TRA2A: variants seen among roughly 807,000 people sequenced by gnomAD.
TRA2A encodes transformer-2 protein homolog alpha.
A neutral mutation model predicts 45.7 loss-of-function variants in TRA2A; 31 were observed. That is an observed-to-expected ratio of 0.68 (90% CI 0.51 to 0.92). TRA2A has a LOEUF of 0.92. Ranked by LOEUF, TRA2A falls within the 40% of genes least tolerant of loss-of-function variation. TRA2A has a pLI of 0.00. For missense variants in TRA2A, 304 were observed against 367.5 expected, an observed-to-expected ratio of 0.83 and a Z score of 1.41; for synonymous variants, 132 against 126.2, an observed-to-expected ratio of 1.05 and a Z score of -0.31.
rs1260139477 is a variant in TRA2A at position 23,524,653 on chromosome 7, TC to T, written c.37-2814del. Reference sequence around the variant, plus strand: ...GCTAAAAACAGTCCTCTTAGCTGTCTCTAACTCCTAGCTACAAAGTTGTCAC... The same window carrying T: ...GCTAAAAACAGTCCTCTTAGCTGTCTTAACTCCTAGCTACAAAGTTGTCAC... On this transcript the variant is annotated intron_variant, in intron 1 of 7. Coordinates refer to ENST00000297071, the MANE Select transcript of TRA2A (RefSeq NM_013293.5). 5.3e-5 allele frequency among the ~76,000 whole-genome samples: 8 copies of T among 151,944 alleles called. 1 individual carries two copies. The East Asian group carries it at 1.5e-3, about 29-fold the overall frequency.
At chr7:23,522,553 A>AT (rs1210905496) in intron 1 of TRA2A, 6 of 136,898 alleles carry the variant, frequency 4.4e-5, no homozygotes, top group African/African-American at 1.9e-4. Flanking sequence ...TAACTAGTTT[A>AT]TTTAAAAAAA....
At chr7:23,507,647 A>T (rs1010451179) in intron 4 of TRA2A, 112 bp from the exon 5 acceptor site, 2 of 754,286 alleles carry the variant, frequency 2.7e-6, no homozygotes, top group African/African-American at 3.4e-5. Context: ...GATTTTGAAA[A>T]TGACAGCAAT....
chr7:23,523,022 C>G (rs1790197882), intron 1 of TRA2A, among the ~76,000 whole-genome samples: 1 of 152,106 alleles, frequency 6.6e-6, no homozygotes, highest in Admixed American at 6.5e-5. Flanking sequence ...GACAAACATA[C>G]CGAAAAAACT....
Position 23,506,161 on chromosome 7 carries a change from A to C in TRA2A, c.747T>G (p.Tyr249Ter), listed in dbSNP as rs752917047. The C allele has an allele frequency of 1.9e-6, 3 of 1,612,054 alleles. No individual in the cohort carries two copies. The highest frequency in any genetic ancestry group is 1.3e-5 in the African/African-American group (1 of 75,000). ...DRGYDRGYDRYEDYDYRYRRR... is the reference protein window; with the variant it reads ...DRGYDRGYDR ...ACCTGTATCGGTAATCATAGTCTTC[A>C]TATCTGTCATACCCACGATCATATC... Residue 249 changes from tyrosine (Y) to a stop codon, truncating the protein, a stop_gained, in exon 6 of 8, where the codon TAT (tyrosine) becomes TAG (stop). Coordinates refer to ENST00000297071, the MANE Select transcript of TRA2A (RefSeq NM_013293.5). LOFTEE classifies it high-confidence loss of function.
At chr7:23,508,273 A>AT (rs1395857743) in intron 4 of TRA2A, among the ~76,000 whole-genome samples, 2 of 102,246 alleles carry the variant, frequency 2.0e-5, no homozygotes, top group African/African-American at 4.7e-5. Flanking sequence ...ACTAAAGGTC[A>AT]TTAAAAAAAA....
rs1328253207 is a variant in TRA2A, at chr7:23,516,240, A to T, written c.336+123T>A. On this transcript the variant is annotated intron_variant, in intron 3 of 7. Transcript: ENST00000297071. ...TTTACTTTGAAAGCTAAAGCAGCTT[A>T]TTAAGGATGTTTCCAGAGTATCACT... is the stretch of plus-strand genomic sequence containing the variant. 4.5e-6 allele frequency: 4 copies of T among 882,230 alleles called. No individual in the cohort carries two copies. In the Admixed American group the frequency reaches 8.1e-5, roughly 18 times the overall value. The allele number at this position is 882,230 out of a possible 1,614,324, so 54.7% of individuals were successfully genotyped here. A position where few individuals can be genotyped will look rare whatever the true frequency, so the allele number is the denominator to read the frequency against.
At chr7:23,514,199 A>G (rs1789756475) in intron 3 of TRA2A, among the ~76,000 whole-genome samples, 2 of 151,256 alleles carry the variant, frequency 1.3e-5, no homozygotes, top group South Asian at 4.2e-4. Flanking sequence ...TCCCAAGTAG[A>G]CGGGATTACA....
At chr7:23,508,336 T>C (rs938843160) in intron 4 of TRA2A, among the ~76,000 whole-genome samples, 7 of 142,048 alleles carry the variant, frequency 4.9e-5, no homozygotes, top group Admixed American at 3.6e-4. Context: ...CAGTGGATCA[T>C]AGTTCACTGT....
At chr7:23,521,641 C>T in intron 2 of TRA2A, 66 bp downstream of exon 2, 2 of 1,567,032 alleles carry the variant, frequency 1.3e-6, no homozygotes, top group East Asian at 2.3e-5. Context: ...CAAAATGCAG[C>T]CAACAACTGC....
At position 23,516,581 on chromosome 7, in the gene TRA2A, C is replaced by G. The variant is rs1055376878; in HGVS notation, c.171-53G>C. On this transcript the variant is annotated intron_variant, in intron 2 of 7. Transcript: ENST00000297071. ...ATACTGAAACAAAATGGCTAAAGTC[C>G]TTCCCTCTTCCAAGAAGGTATACAT... 1.1e-5 allele frequency: 17 copies of G among 1,536,522 alleles called. No individual in the cohort carries two copies. The African/African-American group carries it at 2.3e-4, about 21-fold the overall frequency.
intron 6 of TRA2A, 44 bp downstream of exon 6, chr7:23,506,094 A>G: frequency 6.6e-7 from 1 of 1,518,148 alleles, no homozygotes; most frequent in Non-Finnish European, 9.0e-7. Context: ...AAGTAACACT[A>G]CTATCATCTA....
chr7:23,511,370 CAAAAAAAAAAAAAAAAAAAAAAAAAAAAA>C (rs567187750), intron 4 of TRA2A, among the ~76,000 whole-genome samples: 2,132 of 40,118 alleles, frequency 0.053, 102 homozygotes, highest in African/African-American at 0.17. Context: ...GACTCCATCT[CAAAAAAAAAAAAAAAAAAAAAAAAAAAAA>C]AAAAAAAAAA....
At chr7:23,524,694 T>C (rs868852319) in intron 1 of TRA2A, among the ~76,000 whole-genome samples, 2 of 9,528 alleles carry the variant, frequency 2.1e-4, no homozygotes, top group Non-Finnish European at 1.2e-3. Context: ...ATTTTAACTA[T>C]TTTTTTTTTT....
intron 4 of TRA2A, among the ~76,000 whole-genome samples, chr7:23,509,298 C>CT (rs1297159159): frequency 2.6e-5 from 4 of 152,098 alleles, no homozygotes; most frequent in Non-Finnish European, 4.4e-5. Flanking sequence ...CACAAAATCT[C>CT]TAAGTACTTC....
intron 4 of TRA2A, among the ~76,000 whole-genome samples, chr7:23,511,902 T>C (rs562927957): frequency 9.2e-5 from 14 of 152,362 alleles, no homozygotes; most frequent in African/African-American, 2.9e-4. Flanking sequence ...AATGAACATT[T>C]AGAGAATAGA....
chr7:23,525,533 T>C (rs1160442016), intron 1 of TRA2A, among the ~76,000 whole-genome samples: 3 of 152,238 alleles, frequency 2.0e-5, no homozygotes, highest in East Asian at 3.8e-4. Context: ...GTCTATCTTA[T>C]AGGCTATAAA....
intron 2 of TRA2A, among the ~76,000 whole-genome samples, chr7:23,518,663 T>C (rs1451621964): frequency 6.9e-6 from 1 of 144,608 alleles, no homozygotes; most frequent in Admixed American, 7.0e-5. Context: ...CATTTCTGAG[T>C]CTTCATTTCT....
In TRA2A at chr7:23,505,448, G is replaced by C; in HGVS notation, c.*111C>G. ...AAGTGTAGATGCTAAATAAACCAAA[G>C]TTTTTTTCTTAAGGAGTAGGAAGAA... On this transcript the variant is annotated 3_prime_UTR_variant, in exon 8 of 8. Transcript: ENST00000297071. 2.0e-6 allele frequency: 1 copy of C among 488,712 alleles called. No individual in the cohort carries two copies. 30.3% of individuals were successfully genotyped at this position (488,712 alleles called of 1,614,324 possible).
intron 1 of TRA2A, chr7:23,531,062 T>C (rs1790561608): frequency 1.0e-5 from 2 of 196,366 alleles, no homozygotes; most frequent in African/African-American, 2.4e-5. Flanking sequence ...CATTTCCACA[T>C]TCATTTCGAA....
Sources: allele counts gnomAD v4.1 joint callset (sites outside exome capture counted in the v4.1 genomes callset), GRCh38; gene constraint gnomAD v4.1.1; transcripts MANE v1.5; gene names NCBI Gene and HGNC (gene_info 2026-07-23, HGNC 2026-07-21).